Variants in L3MBTL4 observed in about 807,000 individuals in gnomAD.
L3MBTL4 encodes the protein lethal(3)malignant brain tumor-like protein 4.
In L3MBTL4, 70 loss-of-function variants were observed where a neutral mutation model predicts 84.5. The observed-to-expected ratio is 0.83, with a 90% CI of 0.68 to 1.01. The LOEUF (loss-of-function observed/expected upper bound fraction) is 1.01, where lower values mean the gene tolerates loss of function less well. L3MBTL4 is among the 50% of genes least tolerant of loss of function. The probability of loss-of-function intolerance (pLI) is 0.00; values close to 1 mark genes in which losing one functional copy is unlikely to be tolerated. For synonymous variants in L3MBTL4, 274 were observed against 259.8 expected, an observed-to-expected ratio of 1.05 and a Z score of -0.52; for missense variants, 715 against 754.8, an observed-to-expected ratio of 0.95 and a Z score of 0.62.
chr18:6,350,835 A>G (rs1215869792), intron 1 of L3MBTL4, among the ~76,000 whole-genome samples: 1 of 152,234 alleles, frequency 6.6e-6, no homozygotes, highest in Non-Finnish European at 1.5e-5. Context: ...CATGTCCATT[A>G]TGGATGAATC....
chr18:6,288,554 A>G (rs1050131449), intron 4 of L3MBTL4, among the ~76,000 whole-genome samples: 7 of 152,182 alleles, frequency 4.6e-5, no homozygotes, highest in Non-Finnish European at 1.0e-4. Flanking sequence ...CTAAAACAAA[A>G]TGATCTTGTT....
At chr18:6,185,960 C>CTTTT (rs1555682201) in intron 12 of L3MBTL4, among the ~76,000 whole-genome samples, 21 of 145,786 alleles carry the variant, frequency 1.4e-4, no homozygotes, top group African/African-American at 5.4e-4. Context: ...AGGGCACTTT[C>CTTTT]TTTATTTTAT....
intron 8 of L3MBTL4, 70 bp from the exon 9 acceptor site, chr18:6,239,942 A>G: frequency 6.5e-7 from 1 of 1,547,156 alleles, no homozygotes; most frequent in Non-Finnish European, 8.9e-7. Flanking sequence ...AGCCACTGTC[A>G]AAACTTCTAT....
At chr18:6,359,588 A>T (rs1408079218) in intron 1 of L3MBTL4, among the ~76,000 whole-genome samples, 1 of 146,342 alleles carries the variant, frequency 6.8e-6, no homozygotes, top group African/African-American at 2.7e-5. Context: ...TGACATATCT[A>T]AAAAAAAAAT....
At chr18:6,230,756 AT>A (rs1159717477) in intron 10 of L3MBTL4, among the ~76,000 whole-genome samples, 1 of 151,948 alleles carries the variant, frequency 6.6e-6, no homozygotes, top group African/African-American at 2.4e-5. Context: ...AGCATCTGTT[AT>A]TTTTTTGACT....
chr18:6,274,152 G>A (rs1399607921), intron 4 of L3MBTL4, among the ~76,000 whole-genome samples: 1 of 152,210 alleles, frequency 6.6e-6, no homozygotes, highest in Non-Finnish European at 1.5e-5. Context: ...ATGCCTTAAA[G>A]ATTAAGGTTC....
chr18:6,014,350 A>G (rs956748248), intron 16 of L3MBTL4, among the ~76,000 whole-genome samples: 1 of 152,212 alleles, frequency 6.6e-6, no homozygotes, highest in Non-Finnish European at 1.5e-5. Context: ...CAGTAAACAG[A>G]TCATCCATCC....
At chr18:6,240,751 G>A (rs935961270) in intron 8 of L3MBTL4, among the ~76,000 whole-genome samples, 7 of 152,244 alleles carry the variant, frequency 4.6e-5, no homozygotes, top group African/African-American at 1.7e-4. Context: ...GTATAACACT[G>A]CTTTCAAGAT....
intron 4 of L3MBTL4, among the ~76,000 whole-genome samples, chr18:6,286,284 T>C (rs2049584334): frequency 6.6e-6 from 1 of 151,632 alleles, no homozygotes; most frequent in Non-Finnish European, 1.5e-5. Flanking sequence ...GCCAATATGG[T>C]GAAACCCCAT....
chr18:6,032,148 T>C, intron 16 of L3MBTL4: 1 of 282,158 alleles, frequency 3.5e-6, no homozygotes, highest in Non-Finnish European at 6.1e-6. Flanking sequence ...TGGCTAATTT[T>C]TTGTATTTTT....
At chr18:6,164,607 G>T (rs867923900) in intron 13 of L3MBTL4, among the ~76,000 whole-genome samples, 4 of 152,182 alleles carry the variant, frequency 2.6e-5, no homozygotes, top group South Asian at 4.1e-4. Context: ...CAACAGACTT[G>T]CAGCTGAGGG....
At chr18:6,374,174 C>G (rs1192657048) in intron 1 of L3MBTL4, among the ~76,000 whole-genome samples, 1 of 152,170 alleles carries the variant, frequency 6.6e-6, no homozygotes, top group Non-Finnish European at 1.5e-5. Flanking sequence ...TCTGGAGTGG[C>G]AGTGGCTGGG....
rs184738114 is a variant in L3MBTL4, at chr18:6,215,008, A to G, written c.870+742T>C. Among the ~76,000 whole-genome samples, 833 of 152,210 alleles carry G rather than the reference A, an allele frequency of 5.5e-3. 5 individuals are homozygous for G. The highest frequency in any genetic ancestry group is 0.014 in the Middle Eastern group (4 of 294). ...CCCCAAATACTGTTAATTATAATCA[A>G]TTTTTTCAAAAAATGAAATATCATT... On this transcript the variant is annotated intron_variant, in intron 11 of 18. Transcript: ENST00000317931.
At chr18:6,271,742 AG>A (rs774106802) in intron 4 of L3MBTL4, among the ~76,000 whole-genome samples, 2 of 152,108 alleles carry the variant, frequency 1.3e-5, no homozygotes, top group Non-Finnish European at 2.9e-5. Context: ...GAGGTCGGGG[AG>A]GCGCACGAGG....
At chr18:6,394,738 A>T (rs533781197) in intron 1 of L3MBTL4, 1 of 152,282 alleles carries the variant, frequency 6.6e-6, no homozygotes, top group Non-Finnish European at 1.5e-5. Context: ...TAAATTTTAT[A>T]AATCTAATAA....
chr18:6,128,437 TA>T (rs889764819), intron 14 of L3MBTL4, among the ~76,000 whole-genome samples: 3 of 151,654 alleles, frequency 2.0e-5, no homozygotes, highest in Non-Finnish European at 4.4e-5. Context: ...AGGGATAAAT[TA>T]AAAAAAGCCC....
chr18:6,146,943 G>A (rs951677036), intron 13 of L3MBTL4, among the ~76,000 whole-genome samples: 1 of 151,926 alleles, frequency 6.6e-6, no homozygotes, highest in African/African-American at 2.4e-5. Context: ...TAGTGGGCTC[G>A]ATGGCAGAAG....
chr18:6,086,563 C>G (rs2058266651), intron 15 of L3MBTL4, among the ~76,000 whole-genome samples: 1 of 152,138 alleles, frequency 6.6e-6, no homozygotes, highest in Non-Finnish European at 1.5e-5. Flanking sequence ...GAGCTGGGCC[C>G]TTCCATCTCA....
chr18:6,160,480 C>T (rs2043283447), intron 13 of L3MBTL4, among the ~76,000 whole-genome samples: 1 of 152,222 alleles, frequency 6.6e-6, no homozygotes, highest in African/African-American at 2.4e-5. Flanking sequence ...GCCTGTAATC[C>T]CAACACTTTG....
Sources: allele counts gnomAD v4.1 joint callset (sites outside exome capture counted in the v4.1 genomes callset), GRCh38; gene constraint gnomAD v4.1.1; transcripts MANE v1.5; gene names NCBI Gene and HGNC (gene_info 2026-07-23, HGNC 2026-07-21).